TSC22D1: variants seen among roughly 807,000 people sequenced by gnomAD.
TSC22D1 encodes TSC22 domain family member 1, also known as TSC22 domain family protein 1.
A neutral mutation model predicts 74.2 loss-of-function variants in TSC22D1; 9 were observed. The ratio of observed to expected loss-of-function variants is 0.12; its 90% confidence interval spans 0.07 to 0.21. The LOEUF (loss-of-function observed/expected upper bound fraction) is 0.21, where lower values mean the gene tolerates loss of function less well. TSC22D1 is among the 10% of genes least tolerant of loss of function. The pLI is 1.00. For synonymous variants in TSC22D1, 586 were observed against 492.5 expected, an observed-to-expected ratio of 1.19 and a Z score of -2.51; for missense variants, 1,427 against 1,304.7, an observed-to-expected ratio of 1.09 and a Z score of -1.44.
intron 1 of TSC22D1, 147 bp downstream of exon 1, chr13:44,573,016 G>A: frequency 9.0e-7 from 1 of 1,109,994 alleles, no homozygotes; most frequent in Non-Finnish European, 1.2e-6. Flanking sequence ...CATAACTCTT[G>A]CTCTATAAAA....
At chr13:44,523,709 C>T (rs146976221) in intron 1 of TSC22D1, among the ~76,000 whole-genome samples, 1 of 152,050 alleles carries the variant, frequency 6.6e-6, no homozygotes, top group East Asian at 1.9e-4. Flanking sequence ...GAAGCGACAA[C>T]CAGAATGGAA....
chr13:44,536,816 T>C, intron 1 of TSC22D1: 2 of 983,502 alleles, frequency 2.0e-6, no homozygotes, highest in Non-Finnish European at 2.4e-6. Context: ...TCAGGAAAGA[T>C]GATGCTAATC....
chr13:44,448,677 A>AG, intron 1 of TSC22D1, among the ~76,000 whole-genome samples: 1 of 152,268 alleles, frequency 6.6e-6, no homozygotes, highest in South Asian at 2.1e-4. Context: ...ATGAGGTCTG[A>AG]GGGTTTCTTT....
chr13:44,461,471 C>T (rs764709317), intron 1 of TSC22D1, among the ~76,000 whole-genome samples: 5 of 151,922 alleles, frequency 3.3e-5, no homozygotes, highest in Admixed American at 6.6e-5. Context: ...AGAAGGTAAC[C>T]GAGTAAAGTA....
chr13:44,434,770 C>A lies in TSC22D1; in HGVS notation c.3078G>T (p.Leu1026=). 6.2e-7 allele frequency: 1 copy of A among 1,614,062 alleles called. No homozygotes were observed. The highest frequency in any genetic ancestry group is 8.5e-7 in the Non-Finnish European group (1 of 1,180,034). The change falls in exon 3 of 3, where the codon CTG becomes CTT. Residue 1026 remains leucine (L), a synonymous_variant. Transcript: ENST00000458659. ...KNSQLEQENN[L]LKTLASPEQL... The stretch of plus-strand genomic sequence containing the variant: ...GCTCAGGACTGGCCAGTGTCTTCAG[C>A]AGATTGTTCTCCTGCTCCAGCTGGG...
chr13:44,509,181 C>G (rs537155110), intron 1 of TSC22D1, among the ~76,000 whole-genome samples: 1 of 152,240 alleles, frequency 6.6e-6, no homozygotes, highest in African/African-American at 2.4e-5. Context: ...AGTACCCCCC[C>G]CAAAATGGTG....
intron 1 of TSC22D1, among the ~76,000 whole-genome samples, chr13:44,523,205 C>G (rs1880397271): frequency 6.6e-6 from 1 of 152,266 alleles, no homozygotes; most frequent in East Asian, 1.9e-4. Context: ...GGTGGAAATG[C>G]AAAAACAGTA....
intron 1 of TSC22D1, among the ~76,000 whole-genome samples, chr13:44,522,716 T>C (rs1418629024): frequency 6.6e-6 from 1 of 152,152 alleles, no homozygotes; most frequent in Non-Finnish European, 1.5e-5. Context: ...ATACATACAA[T>C]TCAAAACTGT....
intron 1 of TSC22D1, among the ~76,000 whole-genome samples, chr13:44,519,091 T>C (rs985042452): frequency 6.6e-6 from 1 of 152,156 alleles, no homozygotes; most frequent in Non-Finnish European, 1.5e-5. Flanking sequence ...TATTTTACCA[T>C]TATAGAAAAG....
intron 1 of TSC22D1, among the ~76,000 whole-genome samples, chr13:44,545,582 GAAA>G (rs199880936): frequency 1.7e-5 from 2 of 116,956 alleles, no homozygotes; most frequent in African/African-American, 3.1e-5. Context: ...ATAAGGTACT[GAAA>G]AAAAAAAAAA....
chr13:44,516,775 C>T lies in TSC22D1; in HGVS notation c.2912+56388G>A, dbSNP rs115657479. Among the ~76,000 whole-genome samples the T allele has an allele frequency of 4.2e-3, 637 of 152,242 alleles. 5 individuals are homozygous for T. Among genetic ancestry groups the T allele is most frequent in the African/African-American group, 0.015 (615 of 41,536 alleles). On this transcript the variant is annotated intron_variant, in intron 1 of 2. Transcript: ENST00000458659. ...CAGGATTTTTAAAAGTTAAATTTTC[C>T]CTCTGTAATTCCCTTCATTTCTCCT...
At chr13:44,440,883 A>G (rs1284891581) in intron 1 of TSC22D1, among the ~76,000 whole-genome samples, 1 of 152,206 alleles carries the variant, frequency 6.6e-6, no homozygotes, top group Non-Finnish European at 1.5e-5. Flanking sequence ...ACAAGTTACA[A>G]ACACAGGGAC....
Position 44,450,914 on chromosome 13 carries a change from G to A in TSC22D1, c.2913-14819C>T, listed in dbSNP as rs1356261335. Among the ~76,000 whole-genome samples, 4 of 152,308 alleles carry A rather than the reference G, an allele frequency of 2.6e-5. No homozygotes were observed. In the East Asian group the frequency reaches 7.7e-4, roughly 29 times the overall value. On this transcript the variant is annotated intron_variant, in intron 1 of 2. Coordinates refer to ENST00000458659, the MANE Select transcript of TSC22D1 (RefSeq NM_183422.4). ...GAGCTGGGCGGCCACACACACTGGG[G>A]CAGCCGTTTGGCATAGCAAAGACAC...
intron 1 of TSC22D1, chr13:44,537,317 A>T (rs1881208575): frequency 2.0e-6 from 2 of 983,574 alleles, no homozygotes; most frequent in Non-Finnish European, 2.4e-6. Context: ...ATAATATACA[A>T]AAAGTTTCAC....
chr13:44,557,044 G>C (rs1331808298), intron 1 of TSC22D1, among the ~76,000 whole-genome samples: 1 of 152,036 alleles, frequency 6.6e-6, no homozygotes, highest in Non-Finnish European at 1.5e-5. Context: ...TTGGGAGGCT[G>C]AGGCAGGAGA....
chr13:44,437,791 A>G (rs766231178), intron 1 of TSC22D1, among the ~76,000 whole-genome samples: 5 of 152,210 alleles, frequency 3.3e-5, no homozygotes, highest in Non-Finnish European at 7.3e-5. Context: ...AATATTATAA[A>G]GTATGTATTC....
Position 44,574,335 on chromosome 13 carries a change from C to T in TSC22D1, c.1740G>A (p.Ser580=), listed in dbSNP as rs371780581. The T allele has an allele frequency of 1.3e-5, 21 of 1,614,110 alleles. No individual in the cohort carries two copies. In the African/African-American group the frequency reaches 1.3e-4, roughly 10 times the overall value. The change falls in exon 1 of 3, where the codon TCG becomes TCA. Residue 580 remains serine, a synonymous_variant. Coordinates refer to ENST00000458659, the MANE Select transcript of TSC22D1 (RefSeq NM_183422.4). ...TMSAATGIQP[S]PVNVVGVTSA... Reference sequence around the variant, plus strand: ...AAGTTACACCAACCACATTTACAGGCGATGGCTGGATACCAGTTGCAGCAC... The same window carrying T: ...AAGTTACACCAACCACATTTACAGGTGATGGCTGGATACCAGTTGCAGCAC...
intron 1 of TSC22D1, among the ~76,000 whole-genome samples, chr13:44,567,790 G>C (rs757777643): frequency 6.6e-6 from 1 of 152,092 alleles, no homozygotes; most frequent in Non-Finnish European, 1.5e-5. Flanking sequence ...TCAACAACCT[G>C]ACTCAAGAAA....
chr13:44,490,914 T>G, intron 1 of TSC22D1, among the ~76,000 whole-genome samples: 1 of 141,542 alleles, frequency 7.1e-6, no homozygotes, highest in Non-Finnish European at 1.5e-5. Context: ...TTAAAAAAAA[T>G]GAAACTCCGT....
Sources: gnomAD v4.1 joint callset for allele counts (sites outside exome capture counted in the v4.1 genomes callset) on GRCh38, gnomAD v4.1.1 for gene constraint, MANE v1.5 for transcripts, NCBI Gene and HGNC (gene_info 2026-07-23, HGNC 2026-07-21) for gene names.